Variants in XRCC4 observed in about 807,000 individuals in gnomAD.
XRCC4 encodes DNA repair protein XRCC4.
Under a neutral mutation model 39.1 loss-of-function variants are expected in XRCC4, and 28 were observed. That is an observed-to-expected ratio of 0.72 (90% confidence interval 0.53 to 0.98). The LOEUF is 0.98. Ranked by LOEUF, XRCC4 falls within the 50% of genes least tolerant of loss-of-function variation. XRCC4 has a pLI of 0.00. For synonymous variants in XRCC4, 123 were observed against 126.4 expected (o/e 0.97, Z 0.18); for missense variants, 350 against 376.4 (o/e 0.93, Z 0.58).
chr5:83,101,497 C>G (rs1745934159), intron 1 of XRCC4, among the ~76,000 whole-genome samples: 1 of 151,654 alleles, frequency 6.6e-6, no homozygotes, highest in Admixed American at 6.6e-5. Context: ...AGAGTAGGAT[C>G]ACTAATTAAC....
intron 3 of XRCC4, among the ~76,000 whole-genome samples, chr5:83,128,925 T>G (rs1191421378): frequency 2.6e-5 from 4 of 152,184 alleles, no homozygotes; most frequent in Non-Finnish European, 5.9e-5. Context: ...TTCTGTAGGT[T>G]GCCTGCTCAC....
chr5:83,189,197 GACA>G (rs1750585017), intron 3 of XRCC4, among the ~76,000 whole-genome samples: 1 of 152,152 alleles, frequency 6.6e-6, no homozygotes, highest in South Asian at 2.1e-4. Context: ...CTCTGTTTAA[GACA>G]ACAATAGCAT....
rs528716072 is a variant in XRCC4 at position 83,236,375 on chromosome 5, A to G, written c.746-22155A>G. 2.6e-5 allele frequency among the ~76,000 whole-genome samples: 4 copies of G among 152,180 alleles called. No individual in the cohort carries two copies. The South Asian group carries it at 8.3e-4, about 32-fold the overall frequency. On this transcript the variant is annotated intron_variant, in intron 6 of 7. Coordinates refer to ENST00000396027, the MANE Select transcript of XRCC4 (RefSeq NM_003401.5). ...ACTGTCTCATAAAAACAGACACATAAGCCACTGGAACAGAATAGAGAACCC... is the reference window on the plus strand; with the variant it reads ...ACTGTCTCATAAAAACAGACACATAGGCCACTGGAACAGAATAGAGAACCC...
intron 3 of XRCC4, among the ~76,000 whole-genome samples, chr5:83,121,224 G>A (rs565124151): frequency 2.3e-4 from 35 of 152,192 alleles, no homozygotes; most frequent in Middle Eastern, 3.4e-3. Flanking sequence ...TCCAGTTTTG[G>A]ACTATAACCA....
intron 7 of XRCC4, among the ~76,000 whole-genome samples, chr5:83,288,208 C>T (rs1754799149): frequency 6.6e-6 from 1 of 151,770 alleles, no homozygotes; most frequent in African/African-American, 2.4e-5. Flanking sequence ...TCTGAATGTT[C>T]CATGTGAGCT....
intron 3 of XRCC4, among the ~76,000 whole-genome samples, chr5:83,144,267 CTGTG>C (rs56769195): frequency 0.051 from 7,115 of 140,060 alleles, 146 homozygotes; most frequent in Middle Eastern, 0.12. Context: ...TAATATTCCT[CTGTG>C]TGTGTGTGTG....
chr5:83,220,029 C>T (rs1752020158), intron 6 of XRCC4, among the ~76,000 whole-genome samples: 1 of 151,980 alleles, frequency 6.6e-6, no homozygotes. Context: ...TTATGGAGCA[C>T]TTAATATGAG....
intron 3 of XRCC4, among the ~76,000 whole-genome samples, chr5:83,115,753 T>C (rs1179333120): frequency 2.6e-5 from 4 of 152,230 alleles, no homozygotes; most frequent in African/African-American, 9.6e-5. Context: ...CCTGAAAGAT[T>C]ACCAGCAATG....
intron 1 of XRCC4, among the ~76,000 whole-genome samples, chr5:83,078,243 A>G (rs1744762960): frequency 6.6e-6 from 1 of 152,200 alleles, no homozygotes; most frequent in Admixed American, 6.5e-5. Context: ...AGGTTCTACT[A>G]CACACACACG....
chr5:83,155,554 T>A (rs1748917505), intron 3 of XRCC4, among the ~76,000 whole-genome samples: 1 of 152,138 alleles, frequency 6.6e-6, no homozygotes, highest in Non-Finnish European at 1.5e-5. Context: ...GTGGACTTAA[T>A]TCCAGCACTT....
chr5:83,191,505 C>T (rs1420738418), intron 3 of XRCC4, among the ~76,000 whole-genome samples: 2 of 152,084 alleles, frequency 1.3e-5, no homozygotes, highest in Non-Finnish European at 2.9e-5. Context: ...GAGTTCGAGA[C>T]CAGCCTGACC....
chr5:83,144,704 C>T (rs1748367803), intron 3 of XRCC4, among the ~76,000 whole-genome samples: 1 of 151,942 alleles, frequency 6.6e-6, no homozygotes, highest in African/African-American at 2.4e-5. Flanking sequence ...CTTTAAAAAT[C>T]CTTCTGCTGT....
intron 3 of XRCC4, among the ~76,000 whole-genome samples, chr5:83,133,000 T>G (rs990042182): frequency 6.6e-6 from 1 of 152,070 alleles, no homozygotes; most frequent in Admixed American, 6.6e-5. Context: ...TCTGCTCTGG[T>G]TTTTCCCCAT....
At chr5:83,112,738 A>G (rs544420480) in intron 3 of XRCC4, among the ~76,000 whole-genome samples, 2 of 151,976 alleles carry the variant, frequency 1.3e-5, no homozygotes, top group South Asian at 4.2e-4. Context: ...GCAAAAGAAC[A>G]TGTGCAGGGG....
the XRCC4 span, among the ~76,000 whole-genome samples, chr5:83,367,280 A>G: frequency 6.6e-6 from 1 of 152,184 alleles, no homozygotes; most frequent in Non-Finnish European, 1.5e-5. Flanking sequence ...CTCTCTTAGC[A>G]TTGATAGTGT....
Position 83,227,091 on chromosome 5 carries a change from A to G in XRCC4, c.745+22170A>G, listed in dbSNP as rs1752319898. Reference sequence around the variant, plus strand: ...TAGTTCTCTGTGCTTTAGGCTAAATATTTTCTGGTGATATACTTTATTTAT... The same window carrying G: ...TAGTTCTCTGTGCTTTAGGCTAAATGTTTTCTGGTGATATACTTTATTTAT... On this transcript the variant is annotated intron_variant, in intron 6 of 7. Coordinates refer to ENST00000396027, the MANE Select transcript of XRCC4 (RefSeq NM_003401.5). 3.3e-5 allele frequency among the ~76,000 whole-genome samples: 5 copies of G among 151,776 alleles called. No homozygotes were observed. In the South Asian group the frequency reaches 1.0e-3, roughly 32 times the overall value.
chr5:83,278,687 A>T (rs1754422132), intron 7 of XRCC4, among the ~76,000 whole-genome samples: 1 of 152,010 alleles, frequency 6.6e-6, no homozygotes, highest in Admixed American at 6.6e-5. Flanking sequence ...GTTGTTTTTT[A>T]AAAATAATCA....
At chr5:83,251,694 A>T (rs1156405687) in intron 6 of XRCC4, among the ~76,000 whole-genome samples, 1 of 152,144 alleles carries the variant, frequency 6.6e-6, no homozygotes, top group Non-Finnish European at 1.5e-5. Flanking sequence ...TTAGATTTCC[A>T]AAGATGACCT....
chr5:83,314,937 G>C (rs1156770402), intron 7 of XRCC4, among the ~76,000 whole-genome samples: 2 of 152,070 alleles, frequency 1.3e-5, no homozygotes, highest in Non-Finnish European at 2.9e-5. Context: ...GAAAGGAAGA[G>C]TTGCACGTCT....
Sources: allele counts gnomAD v4.1 joint callset (sites outside exome capture counted in the v4.1 genomes callset), GRCh38; gene constraint gnomAD v4.1.1; transcripts MANE v1.5; gene names NCBI Gene and HGNC (gene_info 2026-07-23, HGNC 2026-07-21).